FUT8: variants seen among roughly 807,000 people sequenced by gnomAD.
FUT8 encodes alpha-(1,6)-fucosyltransferase.
FUT8 carries 29 observed loss-of-function variants against 71.3 expected under a neutral mutation model. The ratio of observed to expected loss-of-function variants is 0.41; its 90% CI spans 0.30 to 0.55. FUT8 has a LOEUF of 0.55. Among genes scored for constraint, FUT8 ranks in the 20% least tolerant of loss-of-function variants. FUT8 has a pLI of 0.34. For synonymous variants in FUT8, 254 were observed against 239.3 expected (o/e 1.06, Z -0.57); for missense variants, 544 against 702.1 (o/e 0.77, Z 2.55).
At chr14:65,378,402 C>T in the FUT8 span, among the ~76,000 whole-genome samples, 2 of 151,918 alleles carry the variant, frequency 1.3e-5, no homozygotes, top group African/African-American at 2.4e-5. Context: ...CTGATCTTGT[C>T]GTTATTTTGG....
In FUT8 at chr14:65,441,140, T is replaced by TA. The variant is rs201395468; in HGVS notation, c.-325-14480dup. The stretch of plus-strand genomic sequence containing the variant: ...TAACTAGGAAGGGTAAGTGGAAAGA[T>TA]ACATATGTTTTTAAAGAGGGGCAGG... On this transcript the variant is annotated intron_variant, in intron 1 of 10. Coordinates refer to ENST00000673929, the MANE Select transcript of FUT8 (RefSeq NM_001371533.1). Among the ~76,000 whole-genome samples the TA allele has an allele frequency of 9.3e-3, 1,417 of 152,332 alleles. 22 individuals are homozygous for TA. Among genetic ancestry groups the TA allele is most frequent in the African/African-American group, 0.033 (1,357 of 41,574 alleles).
chr14:65,392,972 A>G, the FUT8 span, among the ~76,000 whole-genome samples: 3 of 152,230 alleles, frequency 2.0e-5, no homozygotes, highest in African/African-American at 7.2e-5. Flanking sequence ...TTGAAAGTCA[A>G]ATTTAATGAG....
chr14:65,730,767 G>A (rs1041383260), intron 9 of FUT8, among the ~76,000 whole-genome samples: 2 of 152,170 alleles, frequency 1.3e-5, no homozygotes, highest in Non-Finnish European at 2.9e-5. Flanking sequence ...AAGTAGTTCA[G>A]TATTACAGTG....
At chr14:65,495,268 G>A (rs1236598779) in intron 2 of FUT8, among the ~76,000 whole-genome samples, 3 of 150,822 alleles carry the variant, frequency 2.0e-5, no homozygotes, top group African/African-American at 7.3e-5. Flanking sequence ...GTTAAAAAAA[G>A]TCATGTATTC....
intron 3 of FUT8, among the ~76,000 whole-genome samples, chr14:65,587,351 C>T (rs1887447494): frequency 6.6e-6 from 1 of 152,054 alleles, no homozygotes; most frequent in Non-Finnish European, 1.5e-5. Context: ...TGACTTAAGT[C>T]AAATATTTAG....
At chr14:65,683,159 G>A (rs1365098374) in intron 7 of FUT8, among the ~76,000 whole-genome samples, 4 of 151,830 alleles carry the variant, frequency 2.6e-5, no homozygotes, top group African/African-American at 7.3e-5. Flanking sequence ...AATTACAGGC[G>A]CCCACCATCA....
chr14:65,404,115 C>T, the FUT8 span, among the ~76,000 whole-genome samples: 4 of 151,920 alleles, frequency 2.6e-5, no homozygotes, highest in African/African-American at 9.7e-5. Context: ...ATCCACCCGC[C>T]TTAGCCTCCC....
the FUT8 span, among the ~76,000 whole-genome samples, chr14:65,390,546 T>A: frequency 6.6e-6 from 1 of 151,892 alleles, no homozygotes; most frequent in Non-Finnish European, 1.5e-5. Flanking sequence ...ATTGACTTTT[T>A]TCAATGAAGT....
chr14:65,633,580 T>A (rs1890340127), intron 6 of FUT8, among the ~76,000 whole-genome samples: 1 of 146,564 alleles, frequency 6.8e-6, no homozygotes, highest in Non-Finnish European at 1.5e-5. Context: ...GTGAGGAGCG[T>A]CTCTGCCCGG....
chr14:65,363,988 G>T, the FUT8 span, among the ~76,000 whole-genome samples: 7 of 152,170 alleles, frequency 4.6e-5, no homozygotes, highest in Middle Eastern at 3.2e-3. Flanking sequence ...CATTTTACAT[G>T]TGCTCCTGGG....
chr14:65,358,781 G>A, the FUT8 span, among the ~76,000 whole-genome samples: 1 of 152,060 alleles, frequency 6.6e-6, no homozygotes, highest in Admixed American at 6.6e-5. Context: ...TTTTATCTAT[G>A]TCTTTGCCAT....
At chr14:65,479,227 T>C (rs980373624) in intron 2 of FUT8, among the ~76,000 whole-genome samples, 1 of 152,242 alleles carries the variant, frequency 6.6e-6, no homozygotes, top group Non-Finnish European at 1.5e-5. Context: ...ACATGGCGTC[T>C]ATATCCATAC....
intron 9 of FUT8, among the ~76,000 whole-genome samples, chr14:65,729,968 T>C (rs186657099): frequency 2.6e-5 from 4 of 152,328 alleles, no homozygotes; most frequent in Admixed American, 2.6e-4. Flanking sequence ...ATTTAAATGA[T>C]GGGTTTTTTT....
chr14:65,530,216 A>T (rs1883847123), intron 2 of FUT8, among the ~76,000 whole-genome samples: 1 of 152,114 alleles, frequency 6.6e-6, no homozygotes, highest in South Asian at 2.1e-4. Context: ...ACTAGATTCT[A>T]TTAGGGTTTC....
chr14:65,723,375 A>C (rs532002023), intron 8 of FUT8, among the ~76,000 whole-genome samples: 1 of 152,236 alleles, frequency 6.6e-6, no homozygotes, highest in East Asian at 1.9e-4. Flanking sequence ...AGAGAGGAGA[A>C]AACTGTGGAA....
chr14:65,625,603 A>G (rs1889857913), intron 5 of FUT8, among the ~76,000 whole-genome samples: 1 of 152,238 alleles, frequency 6.6e-6, no homozygotes, highest in Non-Finnish European at 1.5e-5. Flanking sequence ...TGCCTGTTTT[A>G]AAAGGGTGAA....
At chr14:65,648,280 A>T (rs1188023838) in intron 6 of FUT8, among the ~76,000 whole-genome samples, 1 of 152,124 alleles carries the variant, frequency 6.6e-6, no homozygotes, top group Admixed American at 6.5e-5. Flanking sequence ...ATAATTCTTA[A>T]ATGTTTTTCC....
At chr14:65,692,312 G>A (rs1893663911) in intron 7 of FUT8, among the ~76,000 whole-genome samples, 1 of 151,414 alleles carries the variant, frequency 6.6e-6, no homozygotes, top group Admixed American at 6.6e-5. Flanking sequence ...CGGCCAGGCA[G>A]AGGCGCCCCT....
chr14:65,381,516 G>A, the FUT8 span, among the ~76,000 whole-genome samples: 14 of 152,170 alleles, frequency 9.2e-5, no homozygotes, highest in Non-Finnish European at 1.6e-4. Flanking sequence ...TAAAATTTCA[G>A]TATGGTGCCT....
Sources: gnomAD v4.1 joint callset for allele counts (sites outside exome capture counted in the v4.1 genomes callset) on GRCh38, gnomAD v4.1.1 for gene constraint, MANE v1.5 for transcripts, NCBI Gene and HGNC (gene_info 2026-07-23, HGNC 2026-07-21) for gene names.